ENTREP2: variants seen among roughly 807,000 people sequenced by gnomAD.
ENTREP2 encodes endosomal transmembrane epsin interactor 2, also known as protein ENTREP2.
the ENTREP2 span, among the ~76,000 whole-genome samples, chr15:29,316,828 C>T: frequency 6.6e-6 from 1 of 152,126 alleles, no homozygotes; most frequent in Non-Finnish European, 1.5e-5. Flanking sequence ...AACCTGAATT[C>T]CTTCCTTTTA....
chr15:29,421,893 C>T, the ENTREP2 span, among the ~76,000 whole-genome samples: 28 of 152,296 alleles, frequency 1.8e-4, no homozygotes, highest in Admixed American at 8.5e-4. Flanking sequence ...TCATGAGTAA[C>T]GGACTCTAAG....
At chr15:29,213,277 C>CT in the ENTREP2 span, among the ~76,000 whole-genome samples, 2 of 152,036 alleles carry the variant, frequency 1.3e-5, no homozygotes, top group Non-Finnish European at 2.9e-5. Context: ...AATGCGGGCT[C>CT]TTTTTTGGTT....
At chr15:29,252,610 T>TTTTAA in the ENTREP2 span, 1 of 517,508 alleles carries the variant, frequency 1.9e-6, no homozygotes, top group Admixed American at 3.8e-5. Context: ...CATGTATGTG[T>TTTTAA]TTTAAAGGAA....
the ENTREP2 span, among the ~76,000 whole-genome samples, chr15:29,409,321 T>G: frequency 1.3e-5 from 2 of 152,150 alleles, no homozygotes; most frequent in African/African-American, 4.8e-5. Context: ...ACTCAGTATC[T>G]TTTTTCCTTT....
At chr15:29,136,603 C>T in the ENTREP2 span, 1 of 1,164,710 alleles carries the variant, frequency 8.6e-7, no homozygotes, top group Non-Finnish European at 1.2e-6. Context: ...GGCTTCCCCT[C>T]TTCTAATACT....
chr15:29,233,009 G>A, the ENTREP2 span, among the ~76,000 whole-genome samples: 1 of 152,162 alleles, frequency 6.6e-6, no homozygotes, highest in Non-Finnish European at 1.5e-5. Context: ...CTTTTCAGAT[G>A]TCCCTTCATG....
the ENTREP2 span, among the ~76,000 whole-genome samples, chr15:29,597,430 T>G: frequency 8.6e-5 from 13 of 151,944 alleles, no homozygotes; most frequent in Non-Finnish European, 1.6e-4. Context: ...TAGCCAGGCC[T>G]GGTAGTGAAC....
the ENTREP2 span, among the ~76,000 whole-genome samples, chr15:29,211,888 G>T: frequency 6.6e-6 from 1 of 152,018 alleles, no homozygotes; most frequent in Non-Finnish European, 1.5e-5. Flanking sequence ...CTAATATTTT[G>T]TTAAGGATTT....
chr15:29,342,340 T>C, the ENTREP2 span, among the ~76,000 whole-genome samples: 5 of 152,192 alleles, frequency 3.3e-5, no homozygotes, highest in African/African-American at 7.2e-5. Context: ...TTCAGCTCTA[T>C]AGGAATGCGA....
At chr15:29,522,924 A>T in the ENTREP2 span, among the ~76,000 whole-genome samples, 1 of 152,350 alleles carries the variant, frequency 6.6e-6, no homozygotes, top group East Asian at 1.9e-4. Flanking sequence ...AGGCTAACCA[A>T]AAAGCTTAAA....
the ENTREP2 span, among the ~76,000 whole-genome samples, chr15:29,490,002 TA>T: frequency 6.6e-6 from 1 of 152,236 alleles, no homozygotes; most frequent in African/African-American, 2.4e-5. Flanking sequence ...TAAAATTCAA[TA>T]ATTCTATTGG....
the ENTREP2 span, among the ~76,000 whole-genome samples, chr15:29,350,822 A>C: frequency 2.0e-5 from 3 of 152,128 alleles, no homozygotes; most frequent in African/African-American, 7.2e-5. Flanking sequence ...GTGCGCCTGT[A>C]ATGCCAGCTA....
the ENTREP2 span, among the ~76,000 whole-genome samples, chr15:29,243,013 A>C: frequency 2.0e-5 from 3 of 152,226 alleles, no homozygotes; most frequent in Non-Finnish European, 4.4e-5. Flanking sequence ...CAGGCTAGCG[A>C]AGCTGGAGGA....
chr15:29,471,897 A>C, the ENTREP2 span, among the ~76,000 whole-genome samples: 1 of 152,196 alleles, frequency 6.6e-6, no homozygotes, highest in South Asian at 2.1e-4. Flanking sequence ...CCCCGGGAGA[A>C]TCAGAACCTG....
At chr15:29,336,174 G>A in the ENTREP2 span, among the ~76,000 whole-genome samples, 1 of 151,552 alleles carries the variant, frequency 6.6e-6, no homozygotes, top group Admixed American at 6.6e-5. Context: ...TCCTTGCTGG[G>A]ACATAAACCC....
chr15:29,403,383 T>C, the ENTREP2 span, among the ~76,000 whole-genome samples: 1 of 152,122 alleles, frequency 6.6e-6, no homozygotes, highest in Non-Finnish European at 1.5e-5. Flanking sequence ...ACATAAACCA[T>C]TTGCAAATGA....
the ENTREP2 span, among the ~76,000 whole-genome samples, chr15:29,127,423 TTC>T: frequency 6.6e-6 from 1 of 152,112 alleles, no homozygotes; most frequent in East Asian, 1.9e-4. Flanking sequence ...TGCCATCCCT[TTC>T]TGTTTTTCCC....
At chr15:29,641,970 G>A in the ENTREP2 span, among the ~76,000 whole-genome samples, 1 of 151,882 alleles carries the variant, frequency 6.6e-6, no homozygotes, top group Non-Finnish European at 1.5e-5. Context: ...GTTGTTGAAA[G>A]AGATTAAAGA....
At chr15:29,662,084 G>A in the ENTREP2 span, among the ~76,000 whole-genome samples, 12 of 151,864 alleles carry the variant, frequency 7.9e-5, no homozygotes, top group African/African-American at 1.2e-4. Flanking sequence ...GGTGGTGGGT[G>A]CCTAAAATCC....
Sources: gnomAD v4.1 joint callset for allele counts (sites outside exome capture counted in the v4.1 genomes callset) on GRCh38, gnomAD v4.1.1 for gene constraint, MANE v1.5 for transcripts, NCBI Gene and HGNC (gene_info 2026-07-23, HGNC 2026-07-21) for gene names.